Variants in FH observed in about 807,000 individuals in gnomAD.
FH encodes fumarate hydratase, mitochondrial.
In FH, 22 loss-of-function variants were observed where a neutral mutation model predicts 49.4. That is an observed-to-expected ratio of 0.45 (90% CI 0.32 to 0.64). The LOEUF (loss-of-function observed/expected upper bound fraction) is 0.64, where lower values mean the gene tolerates loss of function less well. Ranked by LOEUF, FH falls within the 30% of genes least tolerant of loss-of-function variation. The pLI is 0.05. For synonymous variants in FH, 208 were observed against 223.0 expected (o/e 0.93, Z 0.60); for missense variants, 526 against 641.5 (o/e 0.82, Z 1.95).
At position 241,497,653 on chromosome 1, in the gene FH, G is replaced by T. The variant is rs1659653600; in HGVS notation, c.*175C>A. On this transcript the variant is annotated 3_prime_UTR_variant, in exon 10 of 10. Coordinates refer to ENST00000366560, the MANE Select transcript of FH (RefSeq NM_000143.4). Reference sequence around the variant, plus strand: ...TATAAATGTATTTTATTTTATACTTGTTTAATCCATCTTAGACCTAGCACA... The same window carrying T: ...TATAAATGTATTTTATTTTATACTTTTTTAATCCATCTTAGACCTAGCACA... 1.8e-6 allele frequency: 1 copy of T among 547,350 alleles called. No individual in the cohort carries two copies. The highest frequency in any genetic ancestry group is 2.9e-5 in the East Asian group (1 of 34,882). 33.9% of individuals were successfully genotyped at this position (547,350 alleles called of 1,614,324 possible).
intron 7 of FH, 49 bp downstream of exon 7, chr1:241,503,993 T>C: frequency 6.5e-7 from 1 of 1,542,006 alleles, no homozygotes; most frequent in South Asian, 1.2e-5. Flanking sequence ...TAAGAATGCC[T>C]AGGACCTAGT....
chr1:241,510,274 A>G lies in FH; in HGVS notation c.556-1489T>C, dbSNP rs982710491. On this transcript the variant is annotated intron_variant, in intron 4 of 9. Transcript: ENST00000366560. ...CTGTTTCTAGGGCTGGGGCAGAAACAATACAAGACAATGAGCTTGGAGCAT... is the reference window on the plus strand; with the variant it reads ...CTGTTTCTAGGGCTGGGGCAGAAACGATACAAGACAATGAGCTTGGAGCAT... 3.9e-5 allele frequency among the ~76,000 whole-genome samples: 6 copies of G among 152,238 alleles called. 1 individual carries two copies. The South Asian group carries it at 8.3e-4, about 21-fold the overall frequency.
At chr1:241,501,883 T>C (rs1659790687) in intron 8 of FH, among the ~76,000 whole-genome samples, 1 of 152,028 alleles carries the variant, frequency 6.6e-6, no homozygotes, top group Non-Finnish European at 1.5e-5. Context: ...TTCAAGTATG[T>C]GGAAAGGTAA....
chr1:241,517,088 A>G, intron 2 of FH, 94 bp downstream of exon 2: 1 of 1,493,806 alleles, frequency 6.7e-7, no homozygotes, highest in Non-Finnish European at 9.3e-7. Flanking sequence ...ATAACTTTAC[A>G]TTTTAACTCT....
Position 241,517,282 on chromosome 1 carries a change from G to T in FH, c.167C>A (p.Thr56Asn), listed in dbSNP as rs1433872618. The change falls in exon 2 of 10, where the codon ACC (threonine) becomes AAC (asparagine). Residue 56 changes from threonine (T) to asparagine (N), a missense_variant. Thr to Asn is a moderately conservative substitution (Grantham distance 65). Coordinates refer to ENST00000366560, the MANE Select transcript of FH (RefSeq NM_000143.4). ...ATTTGGCACCTTTAGTTCACCAAAG[G>T]TATCATATTCTATCCGGAAGGAATT... ...SQNSFRIEYD[T>N]FGELKVPNDK... 1 of 1,614,048 alleles carries T rather than the reference G, an allele frequency of 6.2e-7. No homozygotes were observed. The highest frequency in any genetic ancestry group is 8.5e-7 in the Non-Finnish European group (1 of 1,180,010).
At chr1:241,501,496 G>A (rs912468954) in intron 8 of FH, among the ~76,000 whole-genome samples, 1 of 152,038 alleles carries the variant, frequency 6.6e-6, no homozygotes, top group Admixed American at 6.6e-5. Flanking sequence ...TCTGGCCTGT[G>A]TTTTTATTTA....
chr1:241,501,909 C>T (rs1037320101), intron 8 of FH, among the ~76,000 whole-genome samples: 1 of 152,114 alleles, frequency 6.6e-6, no homozygotes, highest in East Asian at 1.9e-4. Flanking sequence ...GACAATGAAA[C>T]GAAGTCTGAC....
chr1:241,512,971 T>C (rs543284905), intron 3 of FH, among the ~76,000 whole-genome samples: 1 of 152,134 alleles, frequency 6.6e-6, no homozygotes. Context: ...GTTCATTTTT[T>C]CCTAAACAAA....
intron 4 of FH, 35 bp from the exon 5 acceptor site, chr1:241,508,820 T>C (rs748127963): frequency 6.3e-7 from 1 of 1,584,618 alleles, no homozygotes; most frequent in Admixed American, 1.7e-5. Context: ...TATAAAATGT[T>C]AAATCAGAGG....
chr1:241,506,787 T>G (rs1441349413), intron 5 of FH, among the ~76,000 whole-genome samples: 1 of 152,198 alleles, frequency 6.6e-6, no homozygotes, highest in African/African-American at 2.4e-5. Context: ...TGTGCCAATG[T>G]CAACACTGGT....
chr1:241,505,970 T>C (rs754201668), intron 6 of FH, 33 bp downstream of exon 6: 9 of 1,607,418 alleles, frequency 5.6e-6, no homozygotes, highest in East Asian at 4.5e-5. Flanking sequence ...TAATGAGAAA[T>C]GAAAATGAGA....
At chr1:241,498,723 A>ATATG (rs1659690856) in intron 9 of FH, among the ~76,000 whole-genome samples, 1 of 99,368 alleles carries the variant, frequency 1.0e-5, no homozygotes, top group Admixed American at 1.1e-4. Context: ...ATATATATAT[A>ATATG]TATATATATA....
Position 241,519,680 on chromosome 1 carries a change from C to T in FH, c.43G>A (p.Val15Met). 1 of 1,547,074 alleles carries T rather than the reference C, an allele frequency of 6.5e-7. No individual in the cohort carries two copies. Among genetic ancestry groups the T allele is most frequent in the Non-Finnish European group, 8.7e-7 (1 of 1,146,024 alleles). The change falls in exon 1 of 10, where the codon GTG becomes ATG. Residue 15 changes from valine (V) to methionine (M), a missense_variant. Around this residue, in one of 2 missense-constraint regions of FH, gnomAD observed 143 missense variants for 127.5 expected, o/e 1.12. Transcript: ENST00000366560. ...GCTAAGGCTGCGGCTGGAGCCCGCA[C>T]GAGGGGACGCGAGCGCGCGAGGAGC... Reference protein sequence around the residue: ...LRLLARSRPLVRAPAAALASA... With the variant: ...LRLLARSRPLMRAPAAALASA...
At chr1:241,519,214 G>C (rs779786923) in intron 1 of FH, 1 of 231,356 alleles carries the variant, frequency 4.3e-6, no homozygotes, top group Non-Finnish European at 8.6e-6. Flanking sequence ...CTCCGCCCAC[G>C]CCGGCACTGT....
At chr1:241,516,530 T>C (rs1203055680) in intron 2 of FH, among the ~76,000 whole-genome samples, 1 of 151,902 alleles carries the variant, frequency 6.6e-6, no homozygotes, top group Admixed American at 6.6e-5. Context: ...GCAGAAAAAA[T>C]AGCTAATGCC....
intron 2 of FH, among the ~76,000 whole-genome samples, chr1:241,514,967 C>G (rs1447644037): frequency 1.3e-5 from 2 of 152,002 alleles, no homozygotes; most frequent in African/African-American, 4.8e-5. Context: ...TGAATGACCC[C>G]CAGTGTTTAT....
intron 1 of FH, 140 bp downstream of exon 1, chr1:241,519,451 G>T: frequency 2.8e-6 from 3 of 1,068,018 alleles, no homozygotes; most frequent in Non-Finnish European, 3.8e-6. Flanking sequence ...CCGCCACGCC[G>T]GCACGGGCGC....
Position 241,508,686 on chromosome 1 carries a change from C to T in FH, c.655G>A (p.Asp219Asn), listed in dbSNP as rs11545656. 2.6e-5 allele frequency: 42 copies of T among 1,613,460 alleles called. No individual in the cohort carries two copies. Among genetic ancestry groups the T allele is most frequent in the Middle Eastern group, 3.3e-4 (2 of 6,080 alleles). The change falls in exon 5 of 10, where the codon GAT (aspartate) becomes AAT (asparagine). Residue 219 changes from aspartate (D) to asparagine (N), a missense_variant. By Grantham distance (23) the Asp-to-Asn change is conservative (BLOSUM62 1). Coordinates refer to ENST00000366560, the MANE Select transcript of FH (RefSeq NM_000143.4). ...TGTGCAAACTCTTTGGATTTTGCAT[C>T]AAGAGCATCATGTAACTTCTGTAGT... is the stretch of plus-strand genomic sequence containing the variant. ...PGLQKLHDAL[D>N]AKSKEFAQII...
intron 4 of FH, among the ~76,000 whole-genome samples, chr1:241,511,230 TC>T (rs1252089271): frequency 1.1e-4 from 16 of 152,180 alleles, no homozygotes; most frequent in African/African-American, 3.9e-4. Context: ...CCTTGTCCCT[TC>T]TACCATGTGA....
Sources: allele counts gnomAD v4.1 joint callset (sites outside exome capture counted in the v4.1 genomes callset), GRCh38; gene constraint gnomAD v4.1.1; regional missense constraint gnomAD v4.1.1; transcripts MANE v1.5; gene names NCBI Gene and HGNC (gene_info 2026-07-23, HGNC 2026-07-21).